SLC25A26: variants seen among roughly 807,000 people sequenced by gnomAD.
SLC25A26 encodes mitochondrial S-adenosylmethionine carrier protein.
Under a neutral mutation model 37.8 loss-of-function variants are expected in SLC25A26, and 36 were observed. That is an observed-to-expected ratio of 0.95 (90% confidence interval 0.73 to 1.26). The LOEUF is 1.26. Ranked by LOEUF, SLC25A26 falls within the 50% of genes most tolerant of loss-of-function variation. The probability of loss-of-function intolerance (pLI) is 0.00; values close to 1 mark genes in which losing one functional copy is unlikely to be tolerated. For synonymous variants in SLC25A26, 129 were observed against 122.5 expected (o/e 1.05, Z -0.35); for missense variants, 390 against 331.1 (o/e 1.18, Z -1.38).
At chr3:66,188,710 C>T (rs1233326191) in intron 1 of SLC25A26, among the ~76,000 whole-genome samples, 4 of 152,214 alleles carry the variant, frequency 2.6e-5, no homozygotes, top group East Asian at 3.9e-4. Context: ...CTCAGGTTTT[C>T]GTTTATAACA....
intron 5 of SLC25A26, among the ~76,000 whole-genome samples, chr3:66,340,090 A>G (rs556052484): frequency 2.0e-5 from 3 of 152,090 alleles, no homozygotes; most frequent in Admixed American, 6.5e-5. Flanking sequence ...ATTTTTCCCA[A>G]TATCGTTTGT....
At chr3:66,360,864 C>T (rs2076690677) in intron 6 of SLC25A26, among the ~76,000 whole-genome samples, 1 of 152,162 alleles carries the variant, frequency 6.6e-6, no homozygotes, top group Non-Finnish European at 1.5e-5. Flanking sequence ...CTCCCAATCA[C>T]AGTCTTAGCA....
chr3:66,319,074 A>C (rs1339993564), intron 5 of SLC25A26, among the ~76,000 whole-genome samples: 1 of 152,216 alleles, frequency 6.6e-6, no homozygotes, highest in African/African-American at 2.4e-5. Context: ...CAAACAGTAA[A>C]GGCAAAGTCA....
intron 5 of SLC25A26, among the ~76,000 whole-genome samples, chr3:66,267,181 C>G (rs558736048): frequency 4.6e-5 from 7 of 150,724 alleles, no homozygotes; most frequent in Non-Finnish European, 8.9e-5. Flanking sequence ...GGGTTACAGA[C>G]GAAGCAATGC....
intron 3 of SLC25A26, among the ~76,000 whole-genome samples, chr3:66,247,449 A>AG (rs2072902208): frequency 6.6e-6 from 1 of 152,064 alleles, no homozygotes; most frequent in South Asian, 2.1e-4. Context: ...CTGGGACTGT[A>AG]GGCAGGTGCC....
At chr3:66,283,673 T>C (rs1576791247) in intron 5 of SLC25A26, among the ~76,000 whole-genome samples, 2 of 152,364 alleles carry the variant, frequency 1.3e-5, no homozygotes, top group African/African-American at 2.4e-5. Flanking sequence ...TTAGCCATTT[T>C]AGTAGGTGTG....
At chr3:66,338,038 T>A (rs923727907) in intron 5 of SLC25A26, among the ~76,000 whole-genome samples, 67 of 152,056 alleles carry the variant, frequency 4.4e-4, no homozygotes, top group African/African-American at 1.6e-3. Context: ...TCATCTTCAG[T>A]CCCATTCTGC....
At chr3:66,160,871 G>T (rs1041309536) in intron 1 of SLC25A26, among the ~76,000 whole-genome samples, 2 of 152,212 alleles carry the variant, frequency 1.3e-5, no homozygotes, top group South Asian at 4.1e-4. Context: ...GTTGGCAGGG[G>T]TTGTAGTGAG....
At chr3:66,284,549 C>A (rs2074447231) in intron 5 of SLC25A26, among the ~76,000 whole-genome samples, 1 of 151,902 alleles carries the variant, frequency 6.6e-6, no homozygotes, top group Non-Finnish European at 1.5e-5. Context: ...TTGTTTATAA[C>A]AGGAACAATT....
rs577927009 is a variant in SLC25A26, at chr3:66,139,597, G to A, written c.-354+5613G>A. Among the ~76,000 whole-genome samples the A allele has an allele frequency of 7.9e-5, 12 of 152,236 alleles. 1 individual carries two copies. The East Asian group carries it at 2.3e-3, about 29-fold the overall frequency. ...AAGATTGAATTAGATTTAGAGGGAG[G>A]CTGCCTGTATCACATAAATAAACAG... On this transcript the variant is annotated intron_variant, in intron 1 of 10. Coordinates refer to the SLC25A26 transcript ENST00000676754.
intron 5 of SLC25A26, among the ~76,000 whole-genome samples, chr3:66,330,135 T>C (rs75486123): frequency 0.047 from 7,200 of 152,252 alleles, 228 homozygotes; most frequent in South Asian, 0.077. Flanking sequence ...GCAGATAGGA[T>C]GCAGTTTGTG....
At chr3:66,150,388 C>T (rs1242776807) in intron 1 of SLC25A26, among the ~76,000 whole-genome samples, 2 of 150,196 alleles carry the variant, frequency 1.3e-5, no homozygotes. Context: ...ATCCCAGCTA[C>T]TCAGGAGGCT....
intron 3 of SLC25A26, among the ~76,000 whole-genome samples, chr3:66,258,763 T>C (rs1186426732): frequency 1.3e-5 from 2 of 152,070 alleles, no homozygotes. Flanking sequence ...GGTGGGAGAA[T>C]TGCCTGAGCC....
At chr3:66,181,047 CCCTGCTGGTA>C (rs1409025195) in intron 1 of SLC25A26, among the ~76,000 whole-genome samples, 2 of 152,206 alleles carry the variant, frequency 1.3e-5, no homozygotes, top group Non-Finnish European at 2.9e-5. Context: ...CAGAAACCAA[CCCTGCTGGTA>C]CCTTGATCTT....
intron 5 of SLC25A26, among the ~76,000 whole-genome samples, chr3:66,324,426 A>G (rs979813724): frequency 1.3e-5 from 2 of 152,010 alleles, no homozygotes; most frequent in Non-Finnish European, 2.9e-5. Context: ...TACCTTGAAC[A>G]CCAGTCTTAG....
At chr3:66,225,499 C>T (rs140950295) in intron 1 of SLC25A26, among the ~76,000 whole-genome samples, 2,553 of 152,222 alleles carry the variant, frequency 0.017, 39 homozygotes, top group Non-Finnish European at 0.028. Flanking sequence ...ATCATTTTTT[C>T]CCTCCTAGGC....
chr3:66,210,528 T>C lies in SLC25A26; in HGVS notation c.-353-10214T>C, dbSNP rs1290914500. The stretch of plus-strand genomic sequence containing the variant: ...ATGGACAACTGTGACTCTTTTTTTT[T>C]TCTTGAGATGGGGGTCTCACTCTGT... On this transcript the variant is annotated intron_variant, in intron 1 of 10. Coordinates refer to the SLC25A26 transcript ENST00000676754. Among the ~76,000 whole-genome samples the C allele has an allele frequency of 9.9e-5, 15 of 152,180 alleles. No homozygotes were observed. In the South Asian group the frequency reaches 2.7e-3, roughly 27 times the overall value.
At chr3:66,170,616 A>G (rs1334444230) in intron 1 of SLC25A26, among the ~76,000 whole-genome samples, 1 of 152,106 alleles carries the variant, frequency 6.6e-6, no homozygotes, top group Non-Finnish European at 1.5e-5. Flanking sequence ...AAATTGAGAA[A>G]CTGAGGTACT....
At chr3:66,168,173 A>ATG (rs2070450741) in intron 1 of SLC25A26, among the ~76,000 whole-genome samples, 2 of 62,168 alleles carry the variant, frequency 3.2e-5, no homozygotes, top group African/African-American at 1.0e-4. Flanking sequence ...ATATATATAT[A>ATG]TATGTGTGTG....
Sources: allele counts gnomAD v4.1 joint callset (sites outside exome capture counted in the v4.1 genomes callset), GRCh38; gene constraint gnomAD v4.1.1; transcripts MANE v1.5; gene names NCBI Gene and HGNC (gene_info 2026-07-23, HGNC 2026-07-21).